Variants in LZTR1 observed in about 807,000 individuals in gnomAD.
LZTR1 encodes leucine-zipper-like transcriptional regulator 1.
A neutral mutation model predicts 105.7 loss-of-function variants in LZTR1; 260 were observed. That is an observed-to-expected ratio of 2.46 (90% CI 2.22 to 2.72). LZTR1 has a LOEUF of 2.72. Ranked by LOEUF, LZTR1 falls within the 30% of genes most tolerant of loss-of-function variation. The probability of loss-of-function intolerance (pLI) is 0.00; values close to 1 mark genes in which losing one functional copy is unlikely to be tolerated. For missense variants in LZTR1, 1,214 were observed against 1,166.9 expected, an observed-to-expected ratio of 1.04 and a Z score of -0.59; for synonymous variants, 490 against 476.4, an observed-to-expected ratio of 1.03 and a Z score of -0.37.
intron 11 of LZTR1, 168 bp from the exon 12 acceptor site, chr22:20,993,494 T>G (rs1462593845): frequency 3.3e-6 from 2 of 610,242 alleles, no homozygotes; most frequent in Non-Finnish European, 5.9e-6. Context: ...CCAGGCTGTA[T>G]TTTCAGGGTG....
rs1387607592 is a variant in LZTR1 at position 20,991,823 on chromosome 22, CA to C, written c.988del (p.Ser330AlafsTer21). 1.3e-6 allele frequency: 2 copies of C among 1,549,088 alleles called. No homozygotes were observed. The highest frequency in any genetic ancestry group is 1.7e-6 in the Non-Finnish European group (2 of 1,146,296). On this transcript the variant is annotated frameshift_variant, in exon 9 of 21. Transcript: ENST00000646124. LOFTEE classifies it high-confidence loss of function. ...GGGAGGTCGTCCAGCCCAGCTCCGA[CA>C]GCGAGGTGAGGGTGCCCAGGGGTGT... ...TWEVVQPSSD[S>X]EVGGAEVPER...
intron 9 of LZTR1, 87 bp from the exon 10 acceptor site, chr22:20,992,127 A>G: frequency 7.4e-7 from 1 of 1,348,196 alleles, no homozygotes; most frequent in Non-Finnish European, 1.0e-6. Context: ...TTCAGAACCC[A>G]CTCTCAAGGC....
In LZTR1 at chr22:20,996,071, C is replaced by T. The variant is rs1034395178; in HGVS notation, c.2178C>T (p.Tyr726=). The change falls in exon 18 of 21, where the codon TAC becomes TAT. Residue 726 remains tyrosine (Y), a synonymous_variant. Coordinates refer to ENST00000646124, the MANE Select transcript of LZTR1 (RefSeq NM_006767.4). ...AGGCCTTCGAGTCCATGCTGCGCTA[C>T]ATCTACTACGGCGAGGTCAACATGC... The part of the protein sequence containing the change: ...SRQAFESMLR[Y]IYYGEVNMPP... The T allele has an allele frequency of 8.7e-6, 14 of 1,613,354 alleles. No individual in the cohort carries two copies. The highest frequency in any genetic ancestry group is 1.1e-5 in the Non-Finnish European group (13 of 1,180,012).
chr22:20,992,699 C>CA (rs1399104999), intron 10 of LZTR1, 95 bp from the exon 11 acceptor site: 5 of 828,228 alleles, frequency 6.0e-6, no homozygotes, highest in Non-Finnish European at 8.0e-6. Flanking sequence ...CCTTCATGGC[C>CA]ATGAGGTGCC....
In LZTR1 at chr22:20,991,416, G is replaced by C. The variant is rs925301344; in HGVS notation, c.792-212G>C. 1.2e-5 allele frequency: 7 copies of C among 578,706 alleles called. No individual in the cohort carries two copies. In the African/African-American group the frequency reaches 1.3e-4, roughly 11 times the overall value. 35.8% of individuals were successfully genotyped at this position (578,706 alleles called of 1,614,324 possible). A position where few individuals can be genotyped will look rare whatever the true frequency, so the allele number is the denominator to read the frequency against. ...GAGGGGGGAGCTCTGGCAGGACCCTGCGGTGGGCCACATGGAGCCAGGCAG... is the reference window on the plus strand; with the variant it reads ...GAGGGGGGAGCTCTGGCAGGACCCTCCGGTGGGCCACATGGAGCCAGGCAG... On this transcript the variant is annotated intron_variant, in intron 8 of 20. Coordinates refer to ENST00000646124, the MANE Select transcript of LZTR1 (RefSeq NM_006767.4).
intron 10 of LZTR1, 96 bp downstream of exon 10, chr22:20,992,465 ATACT>A (rs1271211004): frequency 7.4e-7 from 1 of 1,346,902 alleles, no homozygotes; most frequent in East Asian, 2.5e-5. Context: ...GCCCCGAGAA[ATACT>A]TGCTTGGGGT....
chr22:20,990,588 TGAA>T (rs1022563661), intron 8 of LZTR1, 63 bp downstream of exon 8: 2 of 1,513,270 alleles, frequency 1.3e-6, no homozygotes, highest in Non-Finnish European at 1.8e-6. Flanking sequence ...CTTCTGAATA[TGAA>T]GAACGCCTCT....
intron 8 of LZTR1, 191 bp downstream of exon 8, chr22:20,990,716 T>C: frequency 1.6e-6 from 1 of 606,820 alleles, no homozygotes; most frequent in South Asian, 2.0e-5. Flanking sequence ...GGCTACAGCT[T>C]AGCAAGATAA....
rs767847269 is a variant in LZTR1 at position 20,997,001 on chromosome 22, C to T, written c.2406+35C>T. The T allele has an allele frequency of 2.1e-5, 34 of 1,606,878 alleles. 1 individual carries two copies. In the South Asian group the frequency reaches 3.5e-4, roughly 17 times the overall value. On this transcript the variant is annotated intron_variant, in intron 20 of 20. Coordinates refer to ENST00000646124, the MANE Select transcript of LZTR1 (RefSeq NM_006767.4). ...CTGGCCTCCCCTTCAGGACTCGCTT[C>T]CCCTTGGCAGTGGCCATGCCCAGGC...
At chr22:20,982,710 G>C in intron 1 of LZTR1, 139 bp downstream of exon 1, 1 of 846,202 alleles carries the variant, frequency 1.2e-6, no homozygotes, top group African/African-American at 1.7e-5. Context: ...ACAGGACGCT[G>C]TTCAGGGCAG....
In LZTR1 at chr22:20,988,071, A is replaced by T. The variant is rs1924461657; in HGVS notation, c.462A>T (p.Glu154Asp). ...TGAAGAATAAAAACGACCTCTTTGA[A>T]TACAAGTTTGCAACTGGCCAGTGGA... ...SNLKNKNDLF[E>D]YKFATGQWTE... is the part of the protein sequence containing the mutation. Residue 154 changes from glutamate to aspartate, a missense_variant, in exon 5 of 21, where the codon GAA becomes GAT. Glu to Asp is a conservative substitution (Grantham distance 45). Coordinates refer to ENST00000646124, the MANE Select transcript of LZTR1 (RefSeq NM_006767.4). 1 of 1,613,768 alleles carries T rather than the reference A, an allele frequency of 6.2e-7. No individual in the cohort carries two copies.
intron 6 of LZTR1, among the ~76,000 whole-genome samples, chr22:20,989,124 C>T (rs745956543): frequency 1.3e-5 from 2 of 152,228 alleles, no homozygotes; most frequent in Non-Finnish European, 2.9e-5. Flanking sequence ...AGGAGTTGCC[C>T]TGCGGAGCTG....
chr22:20,995,387 T>A (rs412470), intron 16 of LZTR1: 79,380 of 607,892 alleles, frequency 0.13, 5,720 homozygotes, highest in East Asian at 0.16. Flanking sequence ...TTCCCCCAGC[T>A]CTCCCTGGGG....
chr22:20,996,369 T>C (rs1924845555), intron 18 of LZTR1: 1 of 596,178 alleles, frequency 1.7e-6, no homozygotes, highest in Non-Finnish European at 3.0e-6. Flanking sequence ...GGTGGGTCAT[T>C]GCTTTGTGTG....
At chr22:20,995,660 T>C (rs1924807636) in intron 16 of LZTR1, 86 bp from the exon 17 acceptor site, 3 of 1,524,788 alleles carry the variant, frequency 2.0e-6, no homozygotes, top group African/African-American at 1.4e-5. Flanking sequence ...GGCAGCAACA[T>C]GGGCAGATAT....
chr22:20,987,592 C>G lies in LZTR1; in HGVS notation c.400+9C>G. 6.2e-7 allele frequency: 1 copy of G among 1,613,476 alleles called. No individual in the cohort carries two copies. Among genetic ancestry groups the G allele is most frequent in the Non-Finnish European group, 8.5e-7 (1 of 1,179,386 alleles). On this transcript the variant is annotated intron_variant, in intron 4 of 20. Coordinates refer to ENST00000646124, the MANE Select transcript of LZTR1 (RefSeq NM_006767.4). ...CAGCATGTTTGTCTTTGGTAAGCAG[C>G]CTCTTGCCTCCCAGGGGCTGTGTCG...
In LZTR1 at chr22:20,989,435, G is replaced by T. The variant is rs554669102; in HGVS notation, c.594-190G>T. Among the ~76,000 whole-genome samples the T allele has an allele frequency of 1.5e-4, 23 of 152,298 alleles. No individual in the cohort carries two copies. In the East Asian group the frequency reaches 4.4e-3, roughly 29 times the overall value. On this transcript the variant is annotated intron_variant, in intron 6 of 20. Transcript: ENST00000646124. ...GTACTTGTTCTGTCTGGGCCGGGCA[G>T]GGGGCCTGGCACAGCAGGGATTTGA...
At chr22:20,987,139 A>C (rs1924415656) in intron 3 of LZTR1, 1 of 180,786 alleles carries the variant, frequency 5.5e-6, no homozygotes, top group Non-Finnish European at 1.1e-5. Context: ...CACGCCTGTA[A>C]TCCCAGCACT....
At chr22:20,990,680 G>A in intron 8 of LZTR1, 155 bp downstream of exon 8, 1 of 789,682 alleles carries the variant, frequency 1.3e-6, no homozygotes, top group Non-Finnish European at 2.0e-6. Context: ...GGGATGTGCG[G>A]TGCCCCTGGC....
Sources: gnomAD v4.1 joint callset for allele counts (sites outside exome capture counted in the v4.1 genomes callset) on GRCh38, gnomAD v4.1.1 for gene constraint, MANE v1.5 for transcripts, NCBI Gene and HGNC (gene_info 2026-07-23, HGNC 2026-07-21) for gene names.